TBCA: variants seen among roughly 807,000 people sequenced by gnomAD.
TBCA encodes the protein tubulin folding cofactor A.
In TBCA, 6 loss-of-function variants were observed where a neutral mutation model predicts 15.8. The ratio of observed to expected loss-of-function variants is 0.38; its 90% CI spans 0.21 to 0.75. The LOEUF (loss-of-function observed/expected upper bound fraction) is 0.75, where lower values mean the gene tolerates loss of function less well. Among genes scored for constraint, TBCA ranks in the 30% least tolerant of loss-of-function variants. The pLI is 0.46. For synonymous variants in TBCA, 32 were observed against 42.3 expected, an observed-to-expected ratio of 0.76 and a Z score of 0.94; for missense variants, 90 against 131.2, an observed-to-expected ratio of 0.69 and a Z score of 1.53.
intron 1 of TBCA, among the ~76,000 whole-genome samples, chr5:77,717,452 A>ACG (rs1746421979): frequency 8.9e-6 from 1 of 112,906 alleles, no homozygotes; most frequent in African/African-American, 3.2e-5. Context: ...CCCCAGTTTT[A>ACG]TGGGGATTTC....
chr5:77,749,222 CAAG>C (rs1747258410), intron 1 of TBCA, among the ~76,000 whole-genome samples: 2 of 152,156 alleles, frequency 1.3e-5, no homozygotes, highest in East Asian at 3.9e-4. Flanking sequence ...GAACTGTTCA[CAAG>C]AAGGTGATGA....
intron 1 of TBCA, among the ~76,000 whole-genome samples, chr5:77,713,126 T>A (rs1746321262): frequency 6.6e-6 from 1 of 152,018 alleles, no homozygotes; most frequent in Non-Finnish European, 1.5e-5. Flanking sequence ...AGATTTTGTC[T>A]CTACAAAAAA....
At chr5:77,695,736 T>C (rs1179692233) in intron 2 of TBCA, among the ~76,000 whole-genome samples, 1 of 152,208 alleles carries the variant, frequency 6.6e-6, no homozygotes, top group Non-Finnish European at 1.5e-5. Context: ...GTTTACAATA[T>C]CTGAGTCAAT....
At chr5:77,734,334 GA>G (rs1177578999) in intron 1 of TBCA, among the ~76,000 whole-genome samples, 1 of 152,180 alleles carries the variant, frequency 6.6e-6, no homozygotes, top group African/African-American at 2.4e-5. Context: ...TCTGGGTAAA[GA>G]AAATTTGAAA....
At chr5:77,760,714 C>G in intron 1 of TBCA, among the ~76,000 whole-genome samples, 1 of 152,218 alleles carries the variant, frequency 6.6e-6, no homozygotes, top group Non-Finnish European at 1.5e-5. Flanking sequence ...GAGTCTCGCT[C>G]ACTCAGTGCT....
chr5:77,768,579 T>G (rs185899824), intron 1 of TBCA, among the ~76,000 whole-genome samples: 1,634 of 152,306 alleles, frequency 0.011, 17 homozygotes, highest in Middle Eastern at 0.024. Context: ...AAAATCCTTA[T>G]AAAGGAAGAT....
chr5:77,731,455 G>A (rs934440029), intron 1 of TBCA, among the ~76,000 whole-genome samples: 2 of 152,106 alleles, frequency 1.3e-5, no homozygotes, highest in African/African-American at 2.4e-5. Context: ...TACCTATGAA[G>A]TGCTCACAAC....
chr5:77,768,755 T>C (rs1481239739), intron 1 of TBCA, among the ~76,000 whole-genome samples: 1 of 152,198 alleles, frequency 6.6e-6, no homozygotes, highest in East Asian at 1.9e-4. Context: ...TCAGTTCTAT[T>C]TGGACACAAC....
chr5:77,697,909 C>T (rs1186438960), intron 2 of TBCA, among the ~76,000 whole-genome samples: 1 of 151,872 alleles, frequency 6.6e-6, no homozygotes, highest in Non-Finnish European at 1.5e-5. Flanking sequence ...GCAGGCAGAT[C>T]GCTTGAGCCC....
At chr5:77,720,580 G>A (rs562006032) in intron 1 of TBCA, among the ~76,000 whole-genome samples, 24 of 152,208 alleles carry the variant, frequency 1.6e-4, no homozygotes, top group Admixed American at 3.9e-4. Flanking sequence ...CAGGCGTGGT[G>A]GCGGGCCCCT....
chr5:77,734,671 T>C (rs148464284), intron 1 of TBCA, among the ~76,000 whole-genome samples: 52 of 152,328 alleles, frequency 3.4e-4, no homozygotes, highest in African/African-American at 1.2e-3. Context: ...CATAATACTA[T>C]ACGTAAACTT....
rs577772365 is a variant in TBCA at position 77,764,050 on chromosome 5, T to A, written c.53+12155A>T. Among the ~76,000 whole-genome samples the A allele has an allele frequency of 7.2e-5, 11 of 152,230 alleles. No homozygotes were observed. The South Asian group carries it at 2.3e-3, about 32-fold the overall frequency. ...GAGTATTACACAACCATCAAAAAAA[T>A]GTACTGCACCTAAGAGTAAAAATTT... On this transcript the variant is annotated intron_variant, in intron 1 of 3. Coordinates refer to ENST00000380377, the MANE Select transcript of TBCA (RefSeq NM_004607.3).
intron 1 of TBCA, among the ~76,000 whole-genome samples, chr5:77,750,815 A>G (rs1010624454): frequency 1.3e-5 from 2 of 152,228 alleles, no homozygotes; most frequent in African/African-American, 4.8e-5. Context: ...TTAGGGAGAC[A>G]TAATACATTA....
At chr5:77,693,242 C>G (rs1000732881) in intron 3 of TBCA, 24 bp downstream of exon 3, 8 of 1,611,784 alleles carry the variant, frequency 5.0e-6, no homozygotes, top group Non-Finnish European at 5.9e-6. Flanking sequence ...AAAATTTAAA[C>G]ATGACACAGA....
chr5:77,750,230 G>GAT lies in TBCA; in HGVS notation c.53+25973_53+25974dup, dbSNP rs544386704. Among the ~76,000 whole-genome samples the GAT allele has an allele frequency of 2.1e-4, 31 of 151,068 alleles. No individual in the cohort carries two copies. In the South Asian group the frequency reaches 2.1e-3, roughly 10 times the overall value. On this transcript the variant is annotated intron_variant, in intron 1 of 3. Coordinates refer to ENST00000380377, the MANE Select transcript of TBCA (RefSeq NM_004607.3). The stretch of plus-strand genomic sequence containing the variant: ...TTTGTGCCATGTATGATATACATAT[G>GAT]ATATATATATCCTATTCAAAAAATT...
At chr5:77,750,153 G>A (rs7713238) in intron 1 of TBCA, among the ~76,000 whole-genome samples, 10,810 of 144,344 alleles carry the variant, frequency 0.075, 545 homozygotes, top group African/African-American at 0.16. Flanking sequence ...TATATATAGA[G>A]AGAGAGCACA....
At chr5:77,738,839 T>C (rs922609507) in intron 1 of TBCA, among the ~76,000 whole-genome samples, 20 of 152,110 alleles carry the variant, frequency 1.3e-4, no homozygotes, top group Non-Finnish European at 2.8e-4. Context: ...TGCCTCAGTC[T>C]CTCAAAGTGC....
intron 1 of TBCA, among the ~76,000 whole-genome samples, chr5:77,775,360 C>A (rs946841883): frequency 2.0e-5 from 3 of 152,196 alleles, no homozygotes; most frequent in African/African-American, 7.2e-5. Flanking sequence ...GGATGCCCCC[C>A]AACCTTCTAG....
intron 3 of TBCA, chr5:77,692,928 A>C: frequency 1.6e-6 from 2 of 1,256,926 alleles, no homozygotes; most frequent in Non-Finnish European, 2.0e-6. Flanking sequence ...AATTTTAATC[A>C]GTCAACTCAT....
Sources: gnomAD v4.1 joint callset for allele counts (sites outside exome capture counted in the v4.1 genomes callset) on GRCh38, gnomAD v4.1.1 for gene constraint, MANE v1.5 for transcripts, NCBI Gene and HGNC (gene_info 2026-07-23, HGNC 2026-07-21) for gene names.